The following GAPVD1 variants were observed in gnomAD, a reference collection of about 807,000 sequenced individuals.
The protein encoded by GAPVD1 is GTPase-activating protein and VPS9 domain-containing protein 1.
GAPVD1 carries 35 observed loss-of-function variants against 155.5 expected under a neutral mutation model. The ratio of observed to expected loss-of-function variants is 0.23; its 90% CI spans 0.17 to 0.30. The LOEUF (loss-of-function observed/expected upper bound fraction) is 0.30. GAPVD1 is among the 10% of genes least tolerant of loss of function. The pLI, the probability that GAPVD1 is intolerant of heterozygous loss-of-function variation, is 1.00. For synonymous variants in GAPVD1, 636 were observed against 619.7 expected, an observed-to-expected ratio of 1.03 and a Z score of -0.39; for missense variants, 1,429 against 1,775.7, an observed-to-expected ratio of 0.80 and a Z score of 3.51.
chr9:125,331,834 C>A, intron 13 of GAPVD1, 92 bp from the exon 14 acceptor site: 1 of 1,119,686 alleles, frequency 8.9e-7, no homozygotes, highest in Non-Finnish European at 1.3e-6. Flanking sequence ...TTATTCATGC[C>A]CTGGTAGCTT....
Position 125,364,115 on chromosome 9 carries a change from G to A in GAPVD1, c.*1369G>A, listed in dbSNP as rs958181539. On this transcript the variant is annotated 3_prime_UTR_variant, in exon 28 of 28. Coordinates refer to ENST00000297933, the MANE Select transcript of GAPVD1 (RefSeq NM_001282680.3). ...TCCCTTGTTGTTGGGAGCATTTCCA[G>A]GCATCTTTTAAGGGAACTGTGACAA... 6.6e-6 allele frequency: 1 copy of A among 152,224 alleles called. No homozygotes were observed. Among genetic ancestry groups the A allele is most frequent in the Admixed American group, 6.5e-5 (1 of 15,280 alleles). The allele number at this position is 152,224 out of a possible 1,614,324, so 9.4% of individuals were successfully genotyped here. A position where few individuals can be genotyped will look rare whatever the true frequency, so the allele number is the denominator to read the frequency against.
intron 9 of GAPVD1, among the ~76,000 whole-genome samples, chr9:125,314,413 T>C (rs1389889920): frequency 6.6e-6 from 1 of 152,148 alleles, no homozygotes; most frequent in East Asian, 1.9e-4. Context: ...CCCAGCACTT[T>C]GGGAGGCCGA....
At chr9:125,340,421 T>C (rs1334961813) in intron 17 of GAPVD1, among the ~76,000 whole-genome samples, 1 of 152,196 alleles carries the variant, frequency 6.6e-6, no homozygotes, top group Non-Finnish European at 1.5e-5. Context: ...GTGCCACATA[T>C]AGGCTGTGTA....
chr9:125,338,959 A>G (rs4837015), intron 17 of GAPVD1, among the ~76,000 whole-genome samples: 66,203 of 134,684 alleles, frequency 0.49, 14,692 homozygotes, highest in Middle Eastern at 0.58. Context: ...GTGTGTGTGT[A>G]TATATATTTT....
chr9:125,328,676 C>T (rs1053370073), intron 12 of GAPVD1, among the ~76,000 whole-genome samples: 6 of 149,280 alleles, frequency 4.0e-5, no homozygotes, highest in Admixed American at 2.0e-4. Context: ...TCCACAAAGC[C>T]GCCATTGTCA....
intron 9 of GAPVD1, among the ~76,000 whole-genome samples, chr9:125,318,659 G>A (rs868723870): frequency 1.3e-5 from 2 of 152,288 alleles, no homozygotes; most frequent in African/African-American, 4.8e-5. Flanking sequence ...GCTCATGCCT[G>A]TAATCCCAGT....
At chr9:125,301,961 C>A in intron 4 of GAPVD1, 22 bp from the exon 5 acceptor site, 1 of 1,280,678 alleles carries the variant, frequency 7.8e-7, no homozygotes, top group Non-Finnish European at 1.1e-6. Context: ...TGCTTGTTTG[C>A]TCTTTTTTTT....
At chr9:125,347,676 C>T (rs115251878) in intron 20 of GAPVD1, among the ~76,000 whole-genome samples, 43 of 151,364 alleles carry the variant, frequency 2.8e-4, no homozygotes, top group African/African-American at 9.7e-4. Flanking sequence ...GCTGAGATGA[C>T]GCTTACTGCA....
At chr9:125,333,315 C>T (rs1374728479) in intron 15 of GAPVD1, among the ~76,000 whole-genome samples, 1 of 151,736 alleles carries the variant, frequency 6.6e-6, no homozygotes, top group Admixed American at 6.6e-5. Flanking sequence ...CTCCTGACCT[C>T]GTGATCCACC....
chr9:125,326,262 A>T (rs1845168001), intron 11 of GAPVD1, among the ~76,000 whole-genome samples, 154 bp from the exon 12 acceptor site: 1 of 152,248 alleles, frequency 6.6e-6, no homozygotes, highest in South Asian at 2.1e-4. Context: ...TCACGCCTGT[A>T]ATCCCAGCAC....
rs370348255 is a variant in GAPVD1, at chr9:125,337,287, C to A, written c.2573C>A (p.Pro858Gln). ...ARPSHPPPDP[P>Q]ILEGAVGGNE... Reference sequence around the variant, plus strand: ...CCATCGCATCCACCACCAGATCCCCCAATCCTGGAAGGAGCTGTGGGAGGA... The same window carrying A: ...CCATCGCATCCACCACCAGATCCCCAAATCCTGGAAGGAGCTGTGGGAGGA... The change falls in exon 17 of 28, where the codon CCA (proline) becomes CAA (glutamine). Residue 858 changes from proline (P) to glutamine (Q), a missense_variant. Pro to Gln is a moderately conservative substitution (Grantham distance 76, BLOSUM62 -1). This residue lies in a region of GAPVD1 where 699 missense variants were observed against 826.0 expected (regional missense o/e 0.85). Coordinates refer to ENST00000297933, the MANE Select transcript of GAPVD1 (RefSeq NM_001282680.3). 1.9e-6 allele frequency: 3 copies of A among 1,614,046 alleles called. No individual in the cohort carries two copies. The African/African-American group carries it at 4.0e-5, about 22-fold the overall frequency.
chr9:125,330,835 C>T (rs1588987919), intron 13 of GAPVD1, among the ~76,000 whole-genome samples: 1 of 152,190 alleles, frequency 6.6e-6, no homozygotes, highest in East Asian at 1.9e-4. Flanking sequence ...CTTCCACAAA[C>T]TCATGACAGG....
intron 2 of GAPVD1, among the ~76,000 whole-genome samples, chr9:125,282,439 A>G (rs1437008795): frequency 2.0e-5 from 3 of 152,188 alleles, no homozygotes; most frequent in African/African-American, 7.2e-5. Flanking sequence ...TCCTGGCCTG[A>G]TAGTCGGCTT....
intron 23 of GAPVD1, among the ~76,000 whole-genome samples, chr9:125,351,833 T>G (rs187185276): frequency 2.6e-5 from 4 of 152,152 alleles, no homozygotes; most frequent in Non-Finnish European, 5.9e-5. Context: ...CTCTGCCTCC[T>G]GGGTTCAAGC....
intron 19 of GAPVD1, among the ~76,000 whole-genome samples, chr9:125,344,795 C>A (rs1365141626): frequency 6.7e-6 from 1 of 149,582 alleles, no homozygotes; most frequent in Non-Finnish European, 1.5e-5. Flanking sequence ...CAGAGCAAGA[C>A]CTTGTTTCTA....
intron 9 of GAPVD1, among the ~76,000 whole-genome samples, chr9:125,317,728 A>G (rs1488675118): frequency 6.6e-6 from 1 of 151,760 alleles, no homozygotes; most frequent in East Asian, 1.9e-4. Context: ...TTTTTTTAAT[A>G]TACTTAAAGA....
In GAPVD1 at chr9:125,349,531, A is replaced by G. The variant is rs1485948093; in HGVS notation, c.3299+12A>G. 1 of 1,613,086 alleles carries G rather than the reference A, an allele frequency of 6.2e-7. No individual in the cohort carries two copies. Among genetic ancestry groups the G allele is most frequent in the African/African-American group, 1.3e-5 (1 of 74,896 alleles). On this transcript the variant is annotated intron_variant, in intron 21 of 27. Transcript: ENST00000297933. ...GCTTTCTCTTACAGGTATTTCTTTT[A>G]TAGGATTTGGGACTTTAGGGTTTGG...
At chr9:125,333,579 C>T (rs762252036) in intron 15 of GAPVD1, among the ~76,000 whole-genome samples, 8 of 147,964 alleles carry the variant, frequency 5.4e-5, no homozygotes, top group Non-Finnish European at 1.2e-4. Context: ...ACCTCTGTCT[C>T]CCAGGTTCAA....
chr9:125,285,771 G>A (rs1036758702), intron 2 of GAPVD1, among the ~76,000 whole-genome samples: 48 of 151,332 alleles, frequency 3.2e-4, no homozygotes, highest in Non-Finnish European at 1.5e-4. Flanking sequence ...CATCTGTTTC[G>A]TTTTTATAGA....
Sources: allele counts gnomAD v4.1 joint callset (sites outside exome capture counted in the v4.1 genomes callset), GRCh38; gene constraint gnomAD v4.1.1; regional missense constraint gnomAD v4.1.1; transcripts MANE v1.5; gene names NCBI Gene and HGNC (gene_info 2026-07-23, HGNC 2026-07-21).